IQCM: variants seen among roughly 807,000 people sequenced by gnomAD.
IQCM encodes the protein IQ motif containing M.
A neutral mutation model predicts 57.6 loss-of-function variants in IQCM; 45 were observed. The observed-to-expected ratio is 0.78, with a 90% CI of 0.62 to 1.00. IQCM has a LOEUF of 1.00. Among genes scored for constraint, IQCM ranks in the 50% least tolerant of loss-of-function variants. The pLI, the probability that IQCM is intolerant of heterozygous loss-of-function variation, is 0.00. For missense variants in IQCM, 468 were observed against 511.6 expected, an observed-to-expected ratio of 0.91 and a Z score of 0.82; for synonymous variants, 148 against 158.9, an observed-to-expected ratio of 0.93 and a Z score of 0.51.
At position 149,735,359 on chromosome 4, in the gene IQCM, A is replaced by C. The variant is rs548045651; in HGVS notation, c.120+17T>G. On this transcript the variant is annotated intron_variant, in intron 4 of 13. Transcript: ENST00000636793. ...AAAATTTTAAAATGTAACATTAGAT[A>C]AATGCAAAGGACTAACCTCATTTAT... 1.7e-6 allele frequency: 2 copies of C among 1,198,838 alleles called. No homozygotes were observed. Among genetic ancestry groups the C allele is most frequent in the Admixed American group, 8.5e-5 (2 of 23,654 alleles). The allele number at this position is 1,198,838 out of a possible 1,614,324, so 74.3% of individuals were successfully genotyped here.
intron 5 of IQCM, among the ~76,000 whole-genome samples, chr4:149,721,725 G>T (rs955412404): frequency 6.6e-6 from 1 of 152,000 alleles, no homozygotes; most frequent in African/African-American, 2.4e-5. Context: ...CCATATCTTC[G>T]CAATTGTGAA....
At chr4:149,814,267 C>A (rs1180285269) in intron 2 of IQCM, among the ~76,000 whole-genome samples, 1 of 151,930 alleles carries the variant, frequency 6.6e-6, no homozygotes, top group Admixed American at 6.6e-5. Context: ...AAATACTGGT[C>A]AAATAATTTC....
chr4:149,759,908 T>C (rs1427746345), intron 2 of IQCM, among the ~76,000 whole-genome samples: 1 of 151,714 alleles, frequency 6.6e-6, no homozygotes, highest in Non-Finnish European at 1.5e-5. Context: ...TAAAAATGAA[T>C]AGAAAACAAC....
intron 6 of IQCM, among the ~76,000 whole-genome samples, chr4:149,684,653 C>G (rs1360603612): frequency 6.6e-6 from 1 of 151,358 alleles, no homozygotes; most frequent in Non-Finnish European, 1.5e-5. Flanking sequence ...TCCTTATCTT[C>G]ATTATGTGGT....
chr4:149,553,412 G>A (rs1004917021), intron 10 of IQCM, 125 bp from the exon 11 acceptor site: 1 of 741,942 alleles, frequency 1.3e-6, no homozygotes, highest in Non-Finnish European at 1.8e-6. Flanking sequence ...TTATTGCCTA[G>A]GTTGGCTAAA....
intron 12 of IQCM, among the ~76,000 whole-genome samples, chr4:149,474,239 A>T (rs367653602): frequency 3.0e-4 from 45 of 152,186 alleles, no homozygotes; most frequent in African/African-American, 1.0e-3. Context: ...TACAGAGATC[A>T]GGAGAGAGGA....
At chr4:149,577,032 C>T (rs1288994810) in intron 9 of IQCM, among the ~76,000 whole-genome samples, 1 of 151,842 alleles carries the variant, frequency 6.6e-6, no homozygotes, top group Admixed American at 6.6e-5. Context: ...ACATATATGT[C>T]TCATTTTGGG....
At chr4:149,684,090 T>G (rs1762384582) in intron 6 of IQCM, among the ~76,000 whole-genome samples, 1 of 151,342 alleles carries the variant, frequency 6.6e-6, no homozygotes, top group African/African-American at 2.4e-5. Context: ...AATAAGTGAT[T>G]AATAAATGCA....
chr4:149,385,630 T>C (rs1157174547), intron 13 of IQCM, among the ~76,000 whole-genome samples: 1 of 152,120 alleles, frequency 6.6e-6, no homozygotes, highest in Non-Finnish European at 1.5e-5. Context: ...ATACAACTTA[T>C]GATCTTTCCT....
chr4:149,811,514 GC>G (rs1774561962), intron 2 of IQCM, among the ~76,000 whole-genome samples: 1 of 152,072 alleles, frequency 6.6e-6, no homozygotes, highest in Admixed American at 6.6e-5. Flanking sequence ...TAACGTAAAA[GC>G]TTTTATGATA....
chr4:149,553,389 G>C, intron 10 of IQCM, 102 bp from the exon 11 acceptor site: 1 of 963,390 alleles, frequency 1.0e-6, no homozygotes, highest in Non-Finnish European at 1.3e-6. Context: ...AAGATTATGG[G>C]TGTATTTATT....
intron 7 of IQCM, among the ~76,000 whole-genome samples, chr4:149,637,542 C>T (rs1160589890): frequency 6.6e-6 from 1 of 151,914 alleles, no homozygotes; most frequent in Non-Finnish European, 1.5e-5. Flanking sequence ...TAAAATTTTA[C>T]CTGGACAGGC....
chr4:149,669,785 G>T (rs1031746579), intron 7 of IQCM, among the ~76,000 whole-genome samples: 7 of 152,148 alleles, frequency 4.6e-5, no homozygotes, highest in African/African-American at 1.7e-4. Context: ...TCAGACGGTT[G>T]TAGGTGTGTG....
chr4:149,365,111 T>C (rs1729744099), intron 13 of IQCM, among the ~76,000 whole-genome samples: 1 of 152,248 alleles, frequency 6.6e-6, no homozygotes, highest in Admixed American at 6.5e-5. Flanking sequence ...CTAAATACTA[T>C]TTTCCAAGTA....
chr4:149,770,710 TG>T (rs1288423361), intron 2 of IQCM, among the ~76,000 whole-genome samples: 1 of 152,058 alleles, frequency 6.6e-6, no homozygotes, highest in Non-Finnish European at 1.5e-5. Flanking sequence ...AAAACAAGTT[TG>T]ACAAAATTCA....
At chr4:149,476,761 T>G (rs1002673278) in intron 12 of IQCM, among the ~76,000 whole-genome samples, 1 of 152,060 alleles carries the variant, frequency 6.6e-6, no homozygotes, top group African/African-American at 2.4e-5. Flanking sequence ...TTTAAGAAAC[T>G]TTAGGAGTCA....
At chr4:149,371,873 G>A (rs555552711) in intron 13 of IQCM, among the ~76,000 whole-genome samples, 22 of 152,140 alleles carry the variant, frequency 1.4e-4, no homozygotes, top group South Asian at 6.2e-4. Context: ...TCTAAGGATG[G>A]CCATTCCTAA....
chr4:149,448,038 A>C (rs2111380568), intron 12 of IQCM, among the ~76,000 whole-genome samples: 1 of 151,788 alleles, frequency 6.6e-6, no homozygotes, highest in Middle Eastern at 3.4e-3. Flanking sequence ...CTAAATTGAC[A>C]TTGACAAAAC....
chr4:149,495,470 G>C (rs965880964), intron 12 of IQCM, among the ~76,000 whole-genome samples: 1 of 152,144 alleles, frequency 6.6e-6, no homozygotes, highest in African/African-American at 2.4e-5. Flanking sequence ...AACTGAGGCA[G>C]TTTGGCTCAA....
Sources: gnomAD v4.1 joint callset for allele counts (sites outside exome capture counted in the v4.1 genomes callset) on GRCh38, gnomAD v4.1.1 for gene constraint, MANE v1.5 for transcripts, NCBI Gene and HGNC (gene_info 2026-07-23, HGNC 2026-07-21) for gene names.